The following SERPINE2 variants were observed in gnomAD, a reference collection of about 807,000 sequenced individuals.
SERPINE2 encodes the protein glia-derived nexin.
In SERPINE2, 14 loss-of-function variants were observed where a neutral mutation model predicts 36.3. The ratio of observed to expected loss-of-function variants is 0.39; its 90% CI spans 0.25 to 0.60. The LOEUF (loss-of-function observed/expected upper bound fraction) is 0.60, where lower values mean the gene tolerates loss of function less well. Among genes scored for constraint, SERPINE2 ranks in the 20% least tolerant of loss-of-function variants. The probability of loss-of-function intolerance (pLI) is 0.57; values close to 1 mark genes in which losing one functional copy is unlikely to be tolerated. For missense variants in SERPINE2, 418 were observed against 499.6 expected (o/e 0.84, Z 1.56); for synonymous variants, 192 against 191.8 (o/e 1.00, Z -0.01).
chr2:223,987,479 C>A (rs1000032376), intron 4 of SERPINE2, among the ~76,000 whole-genome samples: 3 of 152,176 alleles, frequency 2.0e-5, no homozygotes, highest in African/African-American at 4.8e-5. Flanking sequence ...AAATCCCCTA[C>A]CCGATGCTCT....
chr2:223,979,252 G>C (rs922114505), intron 7 of SERPINE2: 14 of 152,214 alleles, frequency 9.2e-5, no homozygotes, highest in African/African-American at 2.9e-4. Flanking sequence ...TTTTCATTTG[G>C]CACAGGACCC....
At chr2:224,021,955 C>T (rs186164161) in intron 1 of SERPINE2, among the ~76,000 whole-genome samples, 3 of 151,912 alleles carry the variant, frequency 2.0e-5, no homozygotes, top group Non-Finnish European at 4.4e-5. Flanking sequence ...GTTAGGAGAT[C>T]GAGACCATCC....
intron 6 of SERPINE2, 59 bp from the exon 7 acceptor site, chr2:223,980,456 T>C (rs1050052281): frequency 3.1e-5 from 45 of 1,468,754 alleles, no homozygotes; most frequent in Non-Finnish European, 4.1e-5. Flanking sequence ...CATTGGTTGG[T>C]TGGGGAAGTA....
chr2:223,988,756 A>T (rs1433391539), intron 4 of SERPINE2, among the ~76,000 whole-genome samples: 1 of 152,200 alleles, frequency 6.6e-6, no homozygotes, highest in African/African-American at 2.4e-5. Context: ...CCTATGTACA[A>T]GAATACTCAC....
intron 1 of SERPINE2, among the ~76,000 whole-genome samples, chr2:224,020,061 A>C (rs4674846): frequency 0.94 from 143,817 of 152,252 alleles, 68,286 homozygotes; most frequent in Non-Finnish European, 0.99. Flanking sequence ...TCTGCCTTCA[A>C]AATGCCTAGT....
rs775420769 is a variant in SERPINE2 at position 223,975,418 on chromosome 2, G to A, written c.*449C>T. The stretch of plus-strand genomic sequence containing the variant: ...TGCTATCAAGACTTTGGAGGGGGAT[G>A]GGGGAAAAGAATTTAAAAGGCAAAT... On this transcript the variant is annotated 3_prime_UTR_variant, in exon 9 of 9. Transcript: ENST00000409304. 6.5e-6 allele frequency: 1 copy of A among 153,170 alleles called. No individual in the cohort carries two copies. The highest frequency in any genetic ancestry group is 1.9e-4 in the East Asian group (1 of 5,222). 9.5% of individuals were successfully genotyped at this position (153,170 alleles called of 1,614,324 possible). A position where few individuals can be genotyped will look rare whatever the true frequency, so the allele number is the denominator to read the frequency against.
At chr2:224,016,313 C>G (rs957724868) in intron 1 of SERPINE2, among the ~76,000 whole-genome samples, 3 of 152,168 alleles carry the variant, frequency 2.0e-5, no homozygotes, top group Non-Finnish European at 2.9e-5. Context: ...CAAGACCAGC[C>G]TCACTAACAT....
intron 3 of SERPINE2, among the ~76,000 whole-genome samples, chr2:223,996,216 C>T (rs373824519): frequency 1.2e-4 from 18 of 152,212 alleles, no homozygotes; most frequent in African/African-American, 4.3e-4. Context: ...ATCAAGGCAG[C>T]GGCTAAGAGG....
At chr2:224,000,348 T>C (rs10189547) in intron 2 of SERPINE2, among the ~76,000 whole-genome samples, 39,633 of 152,102 alleles carry the variant, frequency 0.26, 6,259 homozygotes, top group African/African-American at 0.45. Context: ...AGGTGGGACA[T>C]GGCTCTGGGC....
Position 223,991,786 on chromosome 2 carries a change from G to C in SERPINE2, c.685+17C>G, listed in dbSNP as rs6712806. On this transcript the variant is annotated intron_variant, in intron 4 of 8. Transcript: ENST00000409304. The stretch of plus-strand genomic sequence containing the variant: ...GCCAGCACATCCTAGAACAGGCTTC[G>C]CTGAGCATGAACTCACCACACCGGA... 6.2e-7 allele frequency: 1 copy of C among 1,612,780 alleles called. No homozygotes were observed. The highest frequency in any genetic ancestry group is 1.3e-5 in the African/African-American group (1 of 74,892).
At chr2:224,019,291 T>C (rs887086855) in intron 1 of SERPINE2, among the ~76,000 whole-genome samples, 2 of 152,168 alleles carry the variant, frequency 1.3e-5, no homozygotes, top group Non-Finnish European at 2.9e-5. Context: ...ATATGGATAA[T>C]ATACTGTAAT....
At chr2:224,029,701 T>C (rs1692294674) in intron 1 of SERPINE2, among the ~76,000 whole-genome samples, 1 of 152,142 alleles carries the variant, frequency 6.6e-6, no homozygotes, top group East Asian at 1.9e-4. Context: ...TAGACATTTT[T>C]TGTTTTGTTT....
intron 3 of SERPINE2, among the ~76,000 whole-genome samples, chr2:223,994,308 C>T (rs1047361614): frequency 9.9e-5 from 15 of 152,202 alleles, no homozygotes; most frequent in Admixed American, 6.5e-5. Context: ...GTAGAAATGT[C>T]CTTAGCCCCT....
intron 3 of SERPINE2, among the ~76,000 whole-genome samples, chr2:223,993,440 G>A (rs1690750641): frequency 6.8e-6 from 1 of 147,214 alleles, no homozygotes; most frequent in South Asian, 2.2e-4. Context: ...TCAGTTGTGT[G>A]TGTGTCTGTA....
At chr2:223,988,084 G>A (rs1690507827) in intron 4 of SERPINE2, among the ~76,000 whole-genome samples, 2 of 152,218 alleles carry the variant, frequency 1.3e-5, no homozygotes, top group South Asian at 4.1e-4. Context: ...AGCTGGGGAA[G>A]GAGGGGTGGC....
At chr2:223,993,296 A>C (rs967078520) in intron 3 of SERPINE2, among the ~76,000 whole-genome samples, 5 of 152,222 alleles carry the variant, frequency 3.3e-5, no homozygotes, top group Non-Finnish European at 7.3e-5. Context: ...GGATGCTTCC[A>C]AAATGCTACC....
Position 223,982,697 on chromosome 2 carries a change from A to C in SERPINE2, c.969T>G (p.Asn323Lys), listed in dbSNP as rs775234165. 43 of 1,611,800 alleles carry C rather than the reference A, an allele frequency of 2.7e-5. No homozygotes were observed. Among genetic ancestry groups the C allele is most frequent in the Non-Finnish European group, 3.6e-5 (42 of 1,179,084 alleles). Residue 323 changes from asparagine to lysine, a missense_variant, in exon 6 of 9, where the codon AAT becomes AAG. Transcript: ENST00000409304. The part of the protein sequence containing the change: ...ITDMFDSSKA[N>K]FAKITRSENL... ...TGAACATACTTGTTATTTTTGCAAA[A>C]TTTGCCTTTGATGAATCAAACATGT...
rs765749785 is a variant in SERPINE2 at position 223,982,756 on chromosome 2, A to G, written c.910T>C (p.Leu304=). 23 of 1,613,892 alleles carry G rather than the reference A, an allele frequency of 1.4e-5. No homozygotes were observed. In the South Asian group the frequency reaches 2.3e-4, roughly 16 times the overall value. The change falls in exon 6 of 9, where the codon TTG becomes CTG. Residue 304 remains leucine, a synonymous_variant. Transcript: ENST00000409304. ...PKFTAVAQTD[L]KEPLKVLGIT... ...CCAAGAACTTTCAGCGGCTCCTTCAAATCTGTTTGTGCTACAGCTGTGAAC... is the reference window on the plus strand; with the variant it reads ...CCAAGAACTTTCAGCGGCTCCTTCAGATCTGTTTGTGCTACAGCTGTGAAC...
intron 5 of SERPINE2, among the ~76,000 whole-genome samples, chr2:223,983,101 G>C (rs1350372494): frequency 6.6e-6 from 1 of 152,202 alleles, no homozygotes; most frequent in Non-Finnish European, 1.5e-5. Flanking sequence ...TGGAGGTTGA[G>C]TGTTAACAAG....
Sources: gnomAD v4.1 joint callset for allele counts (sites outside exome capture counted in the v4.1 genomes callset) on GRCh38, gnomAD v4.1.1 for gene constraint, MANE v1.5 for transcripts, NCBI Gene and HGNC (gene_info 2026-07-23, HGNC 2026-07-21) for gene names.